UBE2H: variants seen among roughly 807,000 people sequenced by gnomAD.
UBE2H encodes the protein ubiquitin-conjugating enzyme E2 H.
Under a neutral mutation model 29.0 loss-of-function variants are expected in UBE2H, and 3 were observed. The observed-to-expected ratio is 0.10, with a 90% CI of 0.05 to 0.27. The LOEUF (loss-of-function observed/expected upper bound fraction) is 0.27, where lower values mean the gene tolerates loss of function less well. UBE2H is among the 10% of genes least tolerant of loss of function. The pLI, the probability that UBE2H is intolerant of heterozygous loss-of-function variation, is 1.00. For synonymous variants in UBE2H, 69 were observed against 82.9 expected (o/e 0.83, Z 0.91); for missense variants, 68 against 228.2 (o/e 0.30, Z 4.52).
chr7:129,878,192 T>C (rs567290541), intron 3 of UBE2H, among the ~76,000 whole-genome samples: 3 of 152,286 alleles, frequency 2.0e-5, no homozygotes, highest in East Asian at 3.9e-4. Flanking sequence ...TCTACACCTA[T>C]ACAGGTGCTA....
At chr7:129,927,071 G>A (rs551293543) in intron 1 of UBE2H, among the ~76,000 whole-genome samples, 7 of 152,046 alleles carry the variant, frequency 4.6e-5, no homozygotes, top group South Asian at 2.1e-4. Context: ...CTTTTCCAAG[G>A]CCCTATTCTC....
chr7:129,946,089 G>A (rs1807757629), intron 1 of UBE2H, among the ~76,000 whole-genome samples: 1 of 146,446 alleles, frequency 6.8e-6, no homozygotes, highest in Admixed American at 6.9e-5. Context: ...GTCTCACTCT[G>A]TGGCCCAGGC....
chr7:129,850,449 T>C (rs1195211374), intron 5 of UBE2H, among the ~76,000 whole-genome samples: 1 of 152,196 alleles, frequency 6.6e-6, no homozygotes, highest in Non-Finnish European at 1.5e-5. Flanking sequence ...ATCTCAGTAG[T>C]AGCATTTTGG....
chr7:129,913,394 C>T (rs958497991), intron 1 of UBE2H, among the ~76,000 whole-genome samples: 1 of 152,066 alleles, frequency 6.6e-6, no homozygotes, highest in Non-Finnish European at 1.5e-5. Flanking sequence ...AGCATTAACA[C>T]AACAGTCTAC....
intron 1 of UBE2H, among the ~76,000 whole-genome samples, chr7:129,941,498 C>T (rs1725078): frequency 0.58 from 87,790 of 151,974 alleles, 25,905 homozygotes; most frequent in Middle Eastern, 0.69. Context: ...ACAGTCTACT[C>T]ACCAAACATA....
intron 1 of UBE2H, among the ~76,000 whole-genome samples, chr7:129,892,542 G>A (rs1022337042): frequency 7.9e-5 from 12 of 152,072 alleles, no homozygotes; most frequent in Admixed American, 2.0e-4. Context: ...ATGACCCACC[G>A]CATCCAGCCA....
intron 3 of UBE2H, among the ~76,000 whole-genome samples, chr7:129,873,026 T>TG (rs1806073946): frequency 1.3e-5 from 2 of 151,324 alleles, no homozygotes; most frequent in South Asian, 4.2e-4. Context: ...CAGAGTTTTT[T>TG]TTTTTTTTTT....
rs140609109 is a variant in UBE2H, at chr7:129,940,041, T to G, written c.53+12462A>C. The stretch of plus-strand genomic sequence containing the variant: ...ACTGGCACCCTTTGGACAAAACAAC[T>G]AAATTTACTTTTTGCTAGGCTAAGT... On this transcript the variant is annotated intron_variant, in intron 1 of 6. Coordinates refer to ENST00000355621, the MANE Select transcript of UBE2H (RefSeq NM_003344.4). Among the ~76,000 whole-genome samples the G allele has an allele frequency of 3.3e-3, 501 of 152,066 alleles. 1 individual carries two copies. Among genetic ancestry groups the G allele is most frequent in the African/African-American group, 0.011 (471 of 41,498 alleles).
At chr7:129,850,956 G>C (rs1209305212) in intron 5 of UBE2H, among the ~76,000 whole-genome samples, 1 of 152,036 alleles carries the variant, frequency 6.6e-6, no homozygotes, top group Non-Finnish European at 1.5e-5. Flanking sequence ...ATGGATGCAG[G>C]GTGCTGAAAC....
chr7:129,889,450 T>C lies in UBE2H; in HGVS notation c.54-8479A>G, dbSNP rs1340968924. On this transcript the variant is annotated intron_variant, in intron 1 of 6. Transcript: ENST00000355621. ...ACAAAAAAGCAGATCTCCAAATCAATCTTCTAATTTCTAATTCAAGCTCTA... is the reference window on the plus strand; with the variant it reads ...ACAAAAAAGCAGATCTCCAAATCAACCTTCTAATTTCTAATTCAAGCTCTA... Among the ~76,000 whole-genome samples, 3 of 152,202 alleles carry C rather than the reference T, an allele frequency of 2.0e-5. No individual in the cohort carries two copies. In the East Asian group the frequency reaches 5.8e-4, roughly 29 times the overall value.
intron 1 of UBE2H, among the ~76,000 whole-genome samples, chr7:129,940,853 A>T (rs1228750197): frequency 1.3e-5 from 2 of 152,248 alleles, no homozygotes; most frequent in Admixed American, 1.3e-4. Context: ...GTGATACCCA[A>T]TTGAGAATCA....
In UBE2H at chr7:129,901,487, C is replaced by T. The variant is rs973676213; in HGVS notation, c.54-20516G>A. Among the ~76,000 whole-genome samples the T allele has an allele frequency of 5.3e-5, 8 of 152,206 alleles. No homozygotes were observed. In the East Asian group the frequency reaches 9.7e-4, roughly 18 times the overall value. On this transcript the variant is annotated intron_variant, in intron 1 of 6. Coordinates refer to ENST00000355621, the MANE Select transcript of UBE2H (RefSeq NM_003344.4). ...GCACAGACAGGTAAGTACTGATAGG[C>T]AGTAGACTGGCTGGAGGGGAAGCCA...
chr7:129,890,999 G>C (rs1230513631), intron 1 of UBE2H, among the ~76,000 whole-genome samples: 1 of 151,708 alleles, frequency 6.6e-6, no homozygotes, highest in East Asian at 2.0e-4. Flanking sequence ...AGCTGGGCGT[G>C]GTGGCGGGCG....
At chr7:129,836,431 C>T (rs1273508985) in intron 6 of UBE2H, among the ~76,000 whole-genome samples, 5 of 152,230 alleles carry the variant, frequency 3.3e-5, no homozygotes, top group African/African-American at 1.2e-4. Context: ...TGCTGAGTGT[C>T]ACCAGAGGGA....
intron 1 of UBE2H, among the ~76,000 whole-genome samples, chr7:129,912,042 C>G (rs992437351): frequency 6.6e-6 from 1 of 152,178 alleles, no homozygotes; most frequent in Non-Finnish European, 1.5e-5. Context: ...CAGAGAGATG[C>G]AGGACCAAGG....
chr7:129,947,927 A>G (rs531332792), intron 1 of UBE2H, among the ~76,000 whole-genome samples: 1 of 152,132 alleles, frequency 6.6e-6, no homozygotes, highest in South Asian at 2.1e-4. Flanking sequence ...ATTTAGGCTC[A>G]CCACAACCTC....
At chr7:129,867,271 T>C in intron 3 of UBE2H, among the ~76,000 whole-genome samples, 1 of 151,844 alleles carries the variant, frequency 6.6e-6, no homozygotes, top group East Asian at 1.9e-4. Context: ...GCGGCACTAT[T>C]CACAATAGCA....
intron 1 of UBE2H, among the ~76,000 whole-genome samples, chr7:129,892,064 T>C (rs1806505276): frequency 6.6e-6 from 1 of 150,582 alleles, no homozygotes; most frequent in Non-Finnish European, 1.5e-5. Flanking sequence ...GCCATCCTCC[T>C]GCCTCAGCCT....
chr7:129,901,062 T>C (rs1806704454), intron 1 of UBE2H, among the ~76,000 whole-genome samples: 1 of 152,190 alleles, frequency 6.6e-6, no homozygotes, highest in Non-Finnish European at 1.5e-5. Flanking sequence ...TTTCTTTTTC[T>C]TTACAGTATT....
Sources: gnomAD v4.1 joint callset for allele counts (sites outside exome capture counted in the v4.1 genomes callset) on GRCh38, gnomAD v4.1.1 for gene constraint, MANE v1.5 for transcripts, NCBI Gene and HGNC (gene_info 2026-07-23, HGNC 2026-07-21) for gene names.